The following IRF8 variants were observed in gnomAD, a reference collection of about 807,000 sequenced individuals.
IRF8 encodes the protein interferon consensus sequence binding protein 1.
Under a neutral mutation model 48.7 loss-of-function variants are expected in IRF8, and 14 were observed. That is an observed-to-expected ratio of 0.29 (90% CI 0.19 to 0.45). The LOEUF (loss-of-function observed/expected upper bound fraction) is 0.45. Among genes scored for constraint, IRF8 ranks in the 20% least tolerant of loss-of-function variants. The pLI, the probability that IRF8 is intolerant of heterozygous loss-of-function variation, is 1.00. For synonymous variants in IRF8, 278 were observed against 227.3 expected, an observed-to-expected ratio of 1.22 and a Z score of -2.01; for missense variants, 493 against 580.7, an observed-to-expected ratio of 0.85 and a Z score of 1.55.
At chr16:85,903,489 C>T (rs190400326) in intron 2 of IRF8, 34 of 405,132 alleles carry the variant, frequency 8.4e-5, no homozygotes, top group African/African-American at 3.3e-4. Flanking sequence ...GAAAATACTT[C>T]GAGACCTTCA....
intron 2 of IRF8, among the ~76,000 whole-genome samples, chr16:85,906,539 C>A (rs574330286): frequency 6.6e-6 from 1 of 152,334 alleles, no homozygotes; most frequent in African/African-American, 2.4e-5. Flanking sequence ...TGCTTCCTGG[C>A]CGTGGGCCCT....
At chr16:85,913,034 T>G (rs1273601855) in intron 4 of IRF8, 97 bp from the exon 5 acceptor site, 1 of 911,072 alleles carries the variant, frequency 1.1e-6, no homozygotes, top group Non-Finnish European at 1.8e-6. Context: ...CAATATGGTT[T>G]TACTTACACA....
intron 3 of IRF8, among the ~76,000 whole-genome samples, chr16:85,910,646 A>C (rs191478859): frequency 3.5e-4 from 53 of 152,274 alleles, no homozygotes; most frequent in African/African-American, 1.3e-3. Context: ...GTGATGTTAA[A>C]GAAGCAGCAG....
Position 85,921,374 on chromosome 16 carries a change from C to G in IRF8, c.*92C>G, listed in dbSNP as rs1255232005. 4 of 1,373,616 alleles carry G rather than the reference C, an allele frequency of 2.9e-6. No homozygotes were observed. The African/African-American group carries it at 4.3e-5, about 15-fold the overall frequency. 85.1% of individuals were successfully genotyped at this position (1,373,616 alleles called of 1,614,324 possible). ...TCATGATTAAAGAATGTGGATCCCT[C>G]TGTCTGGGGTGGGATGCCTTACTTT... On this transcript the variant is annotated 3_prime_UTR_variant, in exon 9 of 9. Coordinates refer to ENST00000268638, the MANE Select transcript of IRF8 (RefSeq NM_002163.4).
chr16:85,911,827 C>T (rs970104682), intron 4 of IRF8, among the ~76,000 whole-genome samples, 169 bp downstream of exon 4: 40 of 152,230 alleles, frequency 2.6e-4, no homozygotes, highest in Non-Finnish European at 1.6e-4. Flanking sequence ...TGGCTGGGCG[C>T]CCCCTCCCCA....
At chr16:85,903,418 A>ATTCT in intron 2 of IRF8, 4 of 550,700 alleles carry the variant, frequency 7.3e-6, no homozygotes, top group South Asian at 6.2e-5. Flanking sequence ...TCTGATGAGG[A>ATTCT]GATCGAAGGC....
At position 85,912,652 on chromosome 16, in the gene IRF8, A is replaced by C. The variant is rs534461626; in HGVS notation, c.448-479A>C. Among the ~76,000 whole-genome samples, 22 of 152,380 alleles carry C rather than the reference A, an allele frequency of 1.4e-4. 1 individual carries two copies. In the East Asian group the frequency reaches 4.2e-3, roughly 29 times the overall value. On this transcript the variant is annotated intron_variant, in intron 4 of 8. Transcript: ENST00000268638. ...ATCGGATTGCCACACCGGGGTCACAAGAAAAGCAATTTCAAAACATTTCAT... is the reference window on the plus strand; with the variant it reads ...ATCGGATTGCCACACCGGGGTCACACGAAAAGCAATTTCAAAACATTTCAT...
rs372152345 is a variant in IRF8 at position 85,922,211 on chromosome 16, A to G, written c.*929A>G. 3.9e-5 allele frequency: 6 copies of G among 152,284 alleles called. No homozygotes were observed. The highest frequency in any genetic ancestry group is 1.9e-4 in the East Asian group (1 of 5,338). 9.4% of individuals were successfully genotyped at this position (152,284 alleles called of 1,614,324 possible). ...TAGGGTTTGGGAGACAGCTCATCCAATCTCCCAAGTCTCATGGTGGATTTG... is the reference window on the plus strand; with the variant it reads ...TAGGGTTTGGGAGACAGCTCATCCAGTCTCCCAAGTCTCATGGTGGATTTG... On this transcript the variant is annotated 3_prime_UTR_variant, in exon 9 of 9. Coordinates refer to ENST00000268638, the MANE Select transcript of IRF8 (RefSeq NM_002163.4).
intron 2 of IRF8, among the ~76,000 whole-genome samples, chr16:85,905,357 C>T (rs1164739974): frequency 6.6e-6 from 1 of 151,554 alleles, no homozygotes; most frequent in Non-Finnish European, 1.5e-5. Flanking sequence ...TCAACTTGTG[C>T]TCGGGGGGTA....
intron 6 of IRF8, among the ~76,000 whole-genome samples, chr16:85,917,384 A>G (rs1283175758): frequency 2.0e-5 from 3 of 152,200 alleles, no homozygotes; most frequent in Non-Finnish European, 2.9e-5. Context: ...GTGTTTTCCA[A>G]ACTTTGGTCA....
intron 1 of IRF8, 49 bp from the exon 2 acceptor site, chr16:85,902,965 GA>G: frequency 1.2e-6 from 2 of 1,602,062 alleles, no homozygotes; most frequent in Non-Finnish European, 1.7e-6. Flanking sequence ...TTGCTGTGAT[GA>G]ATGAGACAAT....
rs16940009 is a variant in IRF8 at position 85,920,982 on chromosome 16, G to C, written c.1105-124G>C. On this transcript the variant is annotated intron_variant, in intron 8 of 8. Transcript: ENST00000268638. Reference sequence around the variant, plus strand: ...ACTGCTTGCCCTTCCTTGGCATTCTGGCTCATTCACTTGGGACTCACGTGG... The same window carrying C: ...ACTGCTTGCCCTTCCTTGGCATTCTCGCTCATTCACTTGGGACTCACGTGG... 9,108 of 946,240 alleles carry C rather than the reference G, an allele frequency of 9.6e-3. 538 individuals are homozygous for C. In the African/African-American group the frequency reaches 0.13, roughly 13 times the overall value. 58.6% of individuals were successfully genotyped at this position (946,240 alleles called of 1,614,324 possible).
intron 2 of IRF8, among the ~76,000 whole-genome samples, chr16:85,906,836 G>C (rs1905020042): frequency 6.6e-6 from 1 of 152,114 alleles, no homozygotes; most frequent in African/African-American, 2.4e-5. Flanking sequence ...TTGGCATCTG[G>C]TGGGTCAAGG....
chr16:85,911,625 C>T lies in IRF8; in HGVS notation c.414C>T (p.Cys138=), dbSNP rs8052064. 214,838 of 1,613,544 alleles carry T rather than the reference C, an allele frequency of 0.13. 15,197 individuals are homozygous for T. The highest frequency in any genetic ancestry group is 0.14 in the Non-Finnish European group (164,538 of 1,179,658). Residue 138 remains cysteine (C), a synonymous_variant, in exon 4 of 9, where the codon TGC becomes TGT. Coordinates refer to ENST00000268638, the MANE Select transcript of IRF8 (RefSeq NM_002163.4). ...GCVNEVTEME[C]GRSEIDELIK... is the part of the protein sequence containing the mutation. ...TGAATGAAGTTACAGAGATGGAGTG[C>T]GGTCGCTCTGAAATCGACGAGCTGA...
intron 2 of IRF8, 114 bp from the exon 3 acceptor site, chr16:85,908,876 A>C (rs938106008): frequency 1.3e-5 from 12 of 933,180 alleles, no homozygotes; most frequent in Non-Finnish European, 1.9e-5. Context: ...ATGAGAGTTG[A>C]TGGCCAACAA....
intron 1 of IRF8, chr16:85,901,107 G>C (rs1351943768): frequency 6.6e-6 from 1 of 152,426 alleles, no homozygotes; most frequent in Non-Finnish European, 1.5e-5. Flanking sequence ...TGTTTTCGGG[G>C]AGTGTGGGGG....
intron 1 of IRF8, among the ~76,000 whole-genome samples, chr16:85,899,653 A>T (rs1904763391): frequency 6.6e-6 from 1 of 152,170 alleles, no homozygotes; most frequent in Non-Finnish European, 1.5e-5. Flanking sequence ...ACTGAGGGTT[A>T]GTTTGTGAAG....
In IRF8 at chr16:85,914,466, C is replaced by G; in HGVS notation, c.554-7C>G. The stretch of plus-strand genomic sequence containing the variant: ...GCTCTGAGCTTGCTTTTCTGTTTCT[C>G]CTGCAGGCGTGCCGCTGGTGACGGG... On this transcript the variant is annotated splice_polypyrimidine_tract_variant and splice_region_variant and intron_variant, in intron 5 of 8. Transcript: ENST00000268638. 1 of 1,614,154 alleles carries G rather than the reference C, an allele frequency of 6.2e-7. No homozygotes were observed. The highest frequency in any genetic ancestry group is 8.5e-7 in the Non-Finnish European group (1 of 1,180,020).
chr16:85,906,830 C>T (rs1567471369), intron 2 of IRF8, among the ~76,000 whole-genome samples: 5 of 152,060 alleles, frequency 3.3e-5, no homozygotes, highest in Admixed American at 3.3e-4. Context: ...GTGCTATTGG[C>T]ATCTGGTGGG....
Sources: gnomAD v4.1 joint callset for allele counts (sites outside exome capture counted in the v4.1 genomes callset) on GRCh38, gnomAD v4.1.1 for gene constraint, MANE v1.5 for transcripts, NCBI Gene and HGNC (gene_info 2026-07-23, HGNC 2026-07-21) for gene names.